The following MOB3B variants were observed in gnomAD, a reference collection of about 807,000 sequenced individuals.
MOB3B encodes MOB kinase activator 3B.
Under a neutral mutation model 18.7 loss-of-function variants are expected in MOB3B, and 7 were observed. That is an observed-to-expected ratio of 0.37 (90% CI 0.21 to 0.70). The LOEUF (loss-of-function observed/expected upper bound fraction) is 0.70. Among genes scored for constraint, MOB3B ranks in the 30% least tolerant of loss-of-function variants. The probability of loss-of-function intolerance (pLI) is 0.52; values close to 1 mark genes in which losing one functional copy is unlikely to be tolerated. For missense variants in MOB3B, 253 were observed against 281.3 expected (o/e 0.90, Z 0.72); for synonymous variants, 111 against 99.9 (o/e 1.11, Z -0.66).
chr9:27,393,912 A>ATTGATCTTATTGATCTCTCAAT (rs1821764177), intron 2 of MOB3B, among the ~76,000 whole-genome samples: 1 of 152,148 alleles, frequency 6.6e-6, no homozygotes, highest in Non-Finnish European at 1.5e-5. Flanking sequence ...ATAAGATAGA[A>ATTGATCTTATTGATCTCTCAAT]AAGAGAGATC....
At chr9:27,483,947 G>T (rs1448954091) in intron 1 of MOB3B, among the ~76,000 whole-genome samples, 1 of 152,208 alleles carries the variant, frequency 6.6e-6, no homozygotes, top group Non-Finnish European at 1.5e-5. Flanking sequence ...CTTTCCACTG[G>T]ATTTCTTGTA....
At chr9:27,507,807 A>G (rs2131499002) in intron 1 of MOB3B, among the ~76,000 whole-genome samples, 1 of 152,350 alleles carries the variant, frequency 6.6e-6, no homozygotes, top group South Asian at 2.1e-4. Flanking sequence ...CCATTTACAA[A>G]TAAAGTCATG....
At chr9:27,506,823 C>A (rs894366548) in intron 1 of MOB3B, among the ~76,000 whole-genome samples, 2 of 150,134 alleles carry the variant, frequency 1.3e-5, no homozygotes, top group African/African-American at 4.9e-5. Context: ...AGCCACCACA[C>A]CCCGGCTAAT....
intron 1 of MOB3B, among the ~76,000 whole-genome samples, chr9:27,461,761 T>C (rs2131457122): frequency 6.6e-6 from 1 of 152,320 alleles, no homozygotes; most frequent in South Asian, 2.1e-4. Context: ...ATGAAAGCAT[T>C]ACCTGTAACC....
At chr9:27,456,194 T>A (rs1009926852) in intron 1 of MOB3B, among the ~76,000 whole-genome samples, 1 of 152,182 alleles carries the variant, frequency 6.6e-6, no homozygotes, top group African/African-American at 2.4e-5. Context: ...CCAAGCTGGC[T>A]AATAAGAATG....
intron 2 of MOB3B, among the ~76,000 whole-genome samples, chr9:27,430,734 T>C (rs1376267496): frequency 1.3e-5 from 2 of 151,960 alleles, no homozygotes; most frequent in African/African-American, 4.8e-5. Context: ...ACACAAAAGC[T>C]CATTTGGCCA....
At chr9:27,503,024 T>C (rs1029487104) in intron 1 of MOB3B, among the ~76,000 whole-genome samples, 1 of 152,152 alleles carries the variant, frequency 6.6e-6, no homozygotes, top group Non-Finnish European at 1.5e-5. Context: ...TTCCCAAAGC[T>C]GTAAGTGTTA....
intron 1 of MOB3B, among the ~76,000 whole-genome samples, chr9:27,506,028 C>T (rs77888413): frequency 0.033 from 5,078 of 152,304 alleles, 215 homozygotes; most frequent in African/African-American, 0.09. Context: ...GAAACTAAAA[C>T]TCTTTTTCAT....
intron 1 of MOB3B, among the ~76,000 whole-genome samples, chr9:27,466,815 C>G (rs1819390905): frequency 6.6e-6 from 1 of 152,128 alleles, no homozygotes; most frequent in African/African-American, 2.4e-5. Flanking sequence ...ATTATCTCCC[C>G]TTGGGTCCGT....
At chr9:27,453,574 C>T (rs1259846848) in intron 2 of MOB3B, among the ~76,000 whole-genome samples, 1 of 152,072 alleles carries the variant, frequency 6.6e-6, no homozygotes, top group Non-Finnish European at 1.5e-5. Flanking sequence ...CAGAAACTTC[C>T]TCTCTCTCAA....
At chr9:27,502,384 GA>G (rs149860929) in intron 1 of MOB3B, among the ~76,000 whole-genome samples, 3,215 of 152,226 alleles carry the variant, frequency 0.021, 104 homozygotes, top group African/African-American at 0.073. Flanking sequence ...CTCTTTCTGT[GA>G]AGTCTAGGGA....
intron 3 of MOB3B, among the ~76,000 whole-genome samples, chr9:27,348,667 AAAAG>A (rs574426649): frequency 3.9e-5 from 6 of 152,194 alleles, no homozygotes; most frequent in Non-Finnish European, 5.9e-5. Context: ...TAAAAAAAAA[AAAAG>A]AAAGAAAGAA....
chr9:27,342,378 A>G (rs1443593013), intron 3 of MOB3B, among the ~76,000 whole-genome samples: 2 of 152,158 alleles, frequency 1.3e-5, no homozygotes, highest in Non-Finnish European at 1.5e-5. Context: ...CGCTTCTAAA[A>G]CAAGAGTGGA....
chr9:27,332,019 C>T (rs923890985), intron 3 of MOB3B, among the ~76,000 whole-genome samples: 9 of 152,064 alleles, frequency 5.9e-5, no homozygotes, highest in African/African-American at 2.2e-4. Flanking sequence ...TTAATTTTTT[C>T]GACAGGATCT....
At chr9:27,511,966 C>A (rs2131501632) in intron 1 of MOB3B, among the ~76,000 whole-genome samples, 1 of 151,840 alleles carries the variant, frequency 6.6e-6, no homozygotes, top group East Asian at 1.9e-4. Flanking sequence ...GGCCATGTGA[C>A]TAAGTTCCAG....
intron 2 of MOB3B, among the ~76,000 whole-genome samples, chr9:27,405,826 C>T (rs1308364382): frequency 1.3e-5 from 2 of 152,082 alleles, no homozygotes; most frequent in African/African-American, 4.8e-5. Context: ...GGACAAAAAC[C>T]AAATGATCAT....
In MOB3B at chr9:27,395,601, T is replaced by C. The variant is rs529769572; in HGVS notation, c.419-36365A>G. Among the ~76,000 whole-genome samples the C allele has an allele frequency of 3.9e-5, 6 of 152,348 alleles. No individual in the cohort carries two copies. In the East Asian group the frequency reaches 1.2e-3, roughly 29 times the overall value. ...TGCAGGCATCAACAGGGAGCGAATG[T>C]GATTCAATCCTTAAATACTGCAACG... On this transcript the variant is annotated intron_variant, in intron 2 of 3. Transcript: ENST00000262244.
chr9:27,425,384 A>C lies in MOB3B; in HGVS notation c.418+29749T>G, dbSNP rs529371908. Among the ~76,000 whole-genome samples the C allele has an allele frequency of 5.4e-4, 73 of 134,664 alleles. 1 individual carries two copies. The highest frequency in any genetic ancestry group is 8.8e-4 in the Admixed American group (12 of 13,710). The allele number at this position is 134,664 out of a possible 152,430, so 88.3% of individuals were successfully genotyped here. ...GAGCAAAACTGTCTCAAAAAAAAAAAAAAAACAAAACAACAACAACAAAAA... is the reference window on the plus strand; with the variant it reads ...GAGCAAAACTGTCTCAAAAAAAAAACAAAAACAAAACAACAACAACAAAAA... On this transcript the variant is annotated intron_variant, in intron 2 of 3. Coordinates refer to ENST00000262244, the MANE Select transcript of MOB3B (RefSeq NM_024761.5).
chr9:27,368,853 G>A (rs1051747410), intron 2 of MOB3B, among the ~76,000 whole-genome samples: 6 of 152,098 alleles, frequency 3.9e-5, no homozygotes, highest in African/African-American at 9.7e-5. Flanking sequence ...GTGCCTGCTC[G>A]TCACACCTCC....
Sources: gnomAD v4.1 joint callset for allele counts (sites outside exome capture counted in the v4.1 genomes callset) on GRCh38, gnomAD v4.1.1 for gene constraint, MANE v1.5 for transcripts, NCBI Gene and HGNC (gene_info 2026-07-23, HGNC 2026-07-21) for gene names.